WBP2NL: variants seen among roughly 807,000 people sequenced by gnomAD.
WBP2NL encodes the protein postacrosomal sheath WW domain-binding protein.
A neutral mutation model predicts 23.3 loss-of-function variants in WBP2NL; 27 were observed. That is an observed-to-expected ratio of 1.16 (90% CI 0.85 to 1.60). The LOEUF (loss-of-function observed/expected upper bound fraction) is 1.60, where lower values mean the gene tolerates loss of function less well. Ranked by LOEUF, WBP2NL falls within the 40% of genes most tolerant of loss-of-function variation. The pLI is 0.00. For synonymous variants in WBP2NL, 151 were observed against 145.9 expected (o/e 1.03, Z -0.25); for missense variants, 370 against 389.5 (o/e 0.95, Z 0.42).
chr22:42,042,152 C>A (rs1440990182), intron 8 of WBP2NL, among the ~76,000 whole-genome samples: 1 of 152,134 alleles, frequency 6.6e-6, no homozygotes, highest in Non-Finnish European at 1.5e-5. Flanking sequence ...GACTTGTGTT[C>A]AACCTATTTG....
chr22:42,009,382 T>C (rs781330649), intron 1 of WBP2NL, among the ~76,000 whole-genome samples: 4 of 152,242 alleles, frequency 2.6e-5, no homozygotes, highest in Non-Finnish European at 5.9e-5. Flanking sequence ...CAAGAAGTCA[T>C]TGACAAGTCC....
At chr22:42,009,850 T>G (rs2146767708) in intron 1 of WBP2NL, among the ~76,000 whole-genome samples, 1 of 152,352 alleles carries the variant, frequency 6.6e-6, no homozygotes, top group African/African-American at 2.4e-5. Flanking sequence ...CAAAAAGTGT[T>G]GTTGAGATTT....
chr22:42,012,842 A>G (rs1431768623), intron 1 of WBP2NL, among the ~76,000 whole-genome samples: 1 of 151,742 alleles, frequency 6.6e-6, no homozygotes, highest in African/African-American at 2.4e-5. Context: ...AATGCAAAAA[A>G]TTAGTTGGGC....
At chr22:42,024,082 C>A (rs9623501) in intron 5 of WBP2NL, among the ~76,000 whole-genome samples, 3,391 of 152,294 alleles carry the variant, frequency 0.022, 131 homozygotes, top group African/African-American at 0.078. Flanking sequence ...TAAAAGAAAT[C>A]ATACAATATG....
chr22:42,008,061 C>T (rs1032805506), intron 1 of WBP2NL, among the ~76,000 whole-genome samples: 1 of 151,906 alleles, frequency 6.6e-6, no homozygotes, highest in African/African-American at 2.4e-5. Context: ...CTCACCAACA[C>T]TTGTTTTTCT....
chr22:42,024,788 C>T (rs1924324209), intron 5 of WBP2NL, among the ~76,000 whole-genome samples: 1 of 146,756 alleles, frequency 6.8e-6, no homozygotes, highest in African/African-American at 2.5e-5. Context: ...TTTTCTTTCA[C>T]ATTCTTGATA....
At position 42,020,080 on chromosome 22, in the gene WBP2NL, G is replaced by A; in HGVS notation, c.390G>A (p.Val130=). 1 of 1,613,986 alleles carries A rather than the reference G, an allele frequency of 6.2e-7. No individual in the cohort carries two copies. Among genetic ancestry groups the A allele is most frequent in the Non-Finnish European group, 8.5e-7 (1 of 1,179,868 alleles). Residue 130 remains valine (V), a synonymous_variant, in exon 4 of 6, where the codon GTG becomes GTA. Coordinates refer to ENST00000328823, the MANE Select transcript of WBP2NL (RefSeq NM_152613.3). ...GDAIEFAQLM[V]KAASAAARGF... ...CCATTGAATTTGCCCAGTTGATGGT[G>A]AAAGCTGCCTCTGCTGGTAAGTGAT...
rs749216756 is a variant in WBP2NL at position 42,039,451 on chromosome 22, C to T, written c.*273+8628C>T. Among the ~76,000 whole-genome samples, 43 of 151,220 alleles carry T rather than the reference C, an allele frequency of 2.8e-4. 1 individual carries two copies. Among genetic ancestry groups the T allele is most frequent in the Admixed American group, 1.9e-3 (29 of 15,128 alleles). ...CAAGCAATCCTCCTGGCTCAGCGTTCCAAAGTACTGTGATCATAGGTGTGA... is the reference window on the plus strand; with the variant it reads ...CAAGCAATCCTCCTGGCTCAGCGTTTCAAAGTACTGTGATCATAGGTGTGA... On this transcript the variant is annotated intron_variant and NMD_transcript_variant, in intron 8 of 8. Coordinates refer to the WBP2NL transcript ENST00000436265.
At chr22:42,057,691 A>G (rs527618697) in intron 8 of WBP2NL, among the ~76,000 whole-genome samples, 6 of 151,046 alleles carry the variant, frequency 4.0e-5, no homozygotes, top group African/African-American at 1.5e-4. Flanking sequence ...AGTAGTTCGT[A>G]CTGGACTATT....
At chr22:42,002,340 T>C (rs1197033791) in intron 1 of WBP2NL, among the ~76,000 whole-genome samples, 1 of 152,140 alleles carries the variant, frequency 6.6e-6, no homozygotes, top group Non-Finnish European at 1.5e-5. Context: ...CCCAGCACTT[T>C]GGGAGGCCAA....
chr22:42,004,602 A>G (rs1922031079), intron 1 of WBP2NL, among the ~76,000 whole-genome samples: 1 of 152,056 alleles, frequency 6.6e-6, no homozygotes, highest in South Asian at 2.1e-4. Flanking sequence ...CCCTGTCTCA[A>G]AAAAGAGAAG....
chr22:42,013,585 G>T (rs1319387521), intron 1 of WBP2NL, among the ~76,000 whole-genome samples: 2 of 151,982 alleles, frequency 1.3e-5, no homozygotes, highest in East Asian at 3.9e-4. Flanking sequence ...GTAGATTCAT[G>T]TATTTCATTA....
intron 8 of WBP2NL, among the ~76,000 whole-genome samples, chr22:42,056,690 C>T (rs1409251065): frequency 6.6e-6 from 1 of 152,012 alleles, no homozygotes; most frequent in Non-Finnish European, 1.5e-5. Flanking sequence ...ATATGTCAAC[C>T]CACTGCCTTT....
intron 1 of WBP2NL, among the ~76,000 whole-genome samples, chr22:42,018,148 C>CAAA (rs573163901): frequency 1.2e-4 from 15 of 121,880 alleles, no homozygotes; most frequent in Middle Eastern, 4.2e-3. Context: ...AGACTTCTCT[C>CAAA]AAAAAAAAAA....
chr22:42,047,650 C>G (rs1323316113), intron 8 of WBP2NL, among the ~76,000 whole-genome samples: 2 of 142,442 alleles, frequency 1.4e-5, no homozygotes, highest in Non-Finnish European at 3.0e-5. Flanking sequence ...GAGACAGAGT[C>G]TCACTCTGTT....
intron 1 of WBP2NL, among the ~76,000 whole-genome samples, chr22:42,013,101 G>C (rs1456271166): frequency 6.6e-6 from 1 of 151,942 alleles, no homozygotes; most frequent in Admixed American, 6.6e-5. Flanking sequence ...GGCCGGGCGT[G>C]GTGGCTTATG....
At chr22:42,041,246 G>A (rs1184426514) in intron 8 of WBP2NL, among the ~76,000 whole-genome samples, 1 of 151,994 alleles carries the variant, frequency 6.6e-6, no homozygotes, top group African/African-American at 2.4e-5. Context: ...TGGGAGGGGA[G>A]GCTGAGACAG....
At chr22:42,037,128 T>TTGTGTGTGTGTG (rs3045493), downstream of WBP2NL, among the ~76,000 whole-genome samples, 102 of 148,196 alleles carry the variant, frequency 6.9e-4, no homozygotes, top group Non-Finnish European at 1.2e-3. Context: ...CAGATTTCAT[T>TTGTGTGTGTGTG]TGTGTGTGTG....
intron 8 of WBP2NL, among the ~76,000 whole-genome samples, chr22:42,052,237 T>C (rs186962330): frequency 9.2e-5 from 14 of 152,290 alleles, no homozygotes; most frequent in Admixed American, 9.2e-4. Flanking sequence ...AGGAATACTT[T>C]CTGAGAACTT....
Sources: gnomAD v4.1 joint callset for allele counts (sites outside exome capture counted in the v4.1 genomes callset) on GRCh38, gnomAD v4.1.1 for gene constraint, MANE v1.5 for transcripts, NCBI Gene and HGNC (gene_info 2026-07-23, HGNC 2026-07-21) for gene names.